Variants in SPTAN1 observed in about 807,000 individuals in gnomAD.
SPTAN1 encodes the protein spectrin alpha, non-erythrocytic 1, also known as spectrin alpha chain, non-erythrocytic 1.
In SPTAN1, 61 loss-of-function variants were observed where a neutral mutation model predicts 331.3. That is an observed-to-expected ratio of 0.18 (90% CI 0.15 to 0.23). SPTAN1 has a LOEUF of 0.23. Ranked by LOEUF, SPTAN1 falls within the 10% of genes least tolerant of loss-of-function variation. The pLI is 1.00. For synonymous variants in SPTAN1, 1,153 were observed against 1,173.9 expected (o/e 0.98, Z 0.36); for missense variants, 2,043 against 3,147.9 (o/e 0.65, Z 8.40).
At chr9:128,614,044 T>C (rs1856849143) in intron 40 of SPTAN1, among the ~76,000 whole-genome samples, 1 of 152,104 alleles carries the variant, frequency 6.6e-6, no homozygotes, top group Non-Finnish European at 1.5e-5. Flanking sequence ...TGTGGTGTTT[T>C]GCATTGGATG....
rs768619719 is a variant in SPTAN1, at chr9:128,609,278, C to T, written c.4752C>T (p.Asn1584=). Residue 1584 remains asparagine, a synonymous_variant, in exon 36 of 57, where the codon AAC becomes AAT. Coordinates refer to ENST00000372739, the MANE Select transcript of SPTAN1 (RefSeq NM_001130438.3). ...ATGAGTCGTACAAGGATCCCACCAA[C>T]ATCCAGGTAAGCTGAAGTGACTGGG... ...ASDESYKDPT[N]IQLSKLLSKH... 2 of 1,614,252 alleles carry T rather than the reference C, an allele frequency of 1.2e-6. No homozygotes were observed. The highest frequency in any genetic ancestry group is 2.2e-5 in the East Asian group (1 of 44,892).
intron 16 of SPTAN1, 85 bp from the exon 17 acceptor site, chr9:128,584,197 T>G (rs1008939572): frequency 2.4e-5 from 38 of 1,598,026 alleles, no homozygotes; most frequent in Non-Finnish European, 3.0e-5. Flanking sequence ...CTCTCAGGAA[T>G]GGAAAAAAGA....
intron 4 of SPTAN1, among the ~76,000 whole-genome samples, 167 bp downstream of exon 4, chr9:128,574,982 T>C (rs578145741): frequency 6.6e-6 from 1 of 152,350 alleles, no homozygotes; most frequent in South Asian, 2.1e-4. Context: ...GTATGTGCTA[T>C]TCTGTAACTC....
Position 128,627,864 on chromosome 9 carries a change from G to A in SPTAN1, c.6690-61G>A, listed in dbSNP as rs910692611. 88 of 1,596,400 alleles carry A rather than the reference G, an allele frequency of 5.5e-5. No homozygotes were observed. The East Asian group carries it at 1.2e-3, about 23-fold the overall frequency. ...TCTTGTGTCTTCTCTCTGTCCCCCC[G>A]ATTGCTGCTGTTGTCCGGACACCAC... On this transcript the variant is annotated intron_variant, in intron 50 of 56. Coordinates refer to ENST00000372739, the MANE Select transcript of SPTAN1 (RefSeq NM_001130438.3). The surrounding 1 kb of genome is among the most constrained non-coding windows in gnomAD (Gnocchi z 4.9).
chr9:128,626,972 G>A (rs773037255), intron 49 of SPTAN1: 9 of 598,360 alleles, frequency 1.5e-5, no homozygotes, highest in South Asian at 8.0e-5. Flanking sequence ...GTGCCACCAC[G>A]CCTGGCTAAT....
intron 1 of SPTAN1, among the ~76,000 whole-genome samples, chr9:128,563,026 ATG>A (rs1420545144): frequency 1.8e-4 from 25 of 141,852 alleles, no homozygotes; most frequent in African/African-American, 5.2e-4. Context: ...ATATATATAT[ATG>A]TATATATTTT....
rs760620533 is a variant in SPTAN1 at position 128,584,505 on chromosome 9, T to C, written c.2417T>C (p.Ile806Thr). 3 of 1,614,140 alleles carry C rather than the reference T, an allele frequency of 1.9e-6. No individual in the cohort carries two copies. Among genetic ancestry groups the C allele is most frequent in the East Asian group, 4.5e-5 (2 of 44,890 alleles). Reference sequence around the variant, plus strand: ...ACGTGGATTCGAGAGAAAGAGCCCATTGCCGCATCTACCAACAGAGGTCAG... The same window carrying C: ...ACGTGGATTCGAGAGAAAGAGCCCACTGCCGCATCTACCAACAGAGGTCAG... ...EETWIREKEP[I>T]AASTNRGKDL... Residue 806 changes from isoleucine (I) to threonine (T), a missense_variant, in exon 17 of 57, where the codon ATT becomes ACT. Coordinates refer to ENST00000372739, the MANE Select transcript of SPTAN1 (RefSeq NM_001130438.3).
chr9:128,563,004 ATATATATATATATATATATATATG>A (rs1849592430), intron 1 of SPTAN1, among the ~76,000 whole-genome samples: 1 of 114,624 alleles, frequency 8.7e-6, no homozygotes, highest in African/African-American at 4.7e-5. Flanking sequence ...ATATATATAT[ATATATATATATATATATATATATG>A]TATATATTTT....
chr9:128,602,048 T>G lies in SPTAN1; in HGVS notation c.3580-1495T>G, dbSNP rs540238625. On this transcript the variant is annotated intron_variant, in intron 27 of 56. Transcript: ENST00000372739. ...ATAAGTATTCTTTCAGAAATTTATT[T>G]TAGGTACCTTTATAAATCCCAGTAC... is the stretch of plus-strand genomic sequence containing the variant. 2.0e-5 allele frequency among the ~76,000 whole-genome samples: 3 copies of G among 152,306 alleles called. No homozygotes were observed. In the South Asian group the frequency reaches 6.2e-4, roughly 32 times the overall value.
intron 19 of SPTAN1, 87 bp downstream of exon 19, chr9:128,586,052 C>G (rs994264462): frequency 1.9e-6 from 2 of 1,031,978 alleles, no homozygotes; most frequent in Non-Finnish European, 2.9e-6. Flanking sequence ...TAGTGATGCG[C>G]GGGAGGTGTG....
At chr9:128,568,201 C>G (rs962080851) in intron 2 of SPTAN1, among the ~76,000 whole-genome samples, 3 of 152,104 alleles carry the variant, frequency 2.0e-5, no homozygotes, top group African/African-American at 7.2e-5. Flanking sequence ...ATTACAGTAA[C>G]CTAAGAAGAG....
Position 128,628,005 on chromosome 9 carries a change from G to A in SPTAN1, c.6707+63G>A, listed in dbSNP as rs191281147. The stretch of plus-strand genomic sequence containing the variant: ...TGGGGGTCTCGTGCGCTTGCCCCTC[G>A]TGGCCTGGCTTGTGGAGGATCCCGG... On this transcript the variant is annotated intron_variant, in intron 51 of 56. Coordinates refer to ENST00000372739, the MANE Select transcript of SPTAN1 (RefSeq NM_001130438.3). 3.9e-5 allele frequency: 62 copies of A among 1,606,356 alleles called. No individual in the cohort carries two copies. The East Asian group carries it at 6.7e-4, about 17-fold the overall frequency.
chr9:128,624,259 C>T lies in SPTAN1; in HGVS notation c.5833-69C>T, dbSNP rs534969892. Reference sequence around the variant, plus strand: ...ATTTTATAGAAGTTTAGAGCCTTTCCAGGGAGGGCATAGTCAGGTAACCAC... The same window carrying T: ...ATTTTATAGAAGTTTAGAGCCTTTCTAGGGAGGGCATAGTCAGGTAACCAC... On this transcript the variant is annotated intron_variant, in intron 45 of 56. Transcript: ENST00000372739. 6.2e-6 allele frequency: 10 copies of T among 1,600,692 alleles called. No individual in the cohort carries two copies. The East Asian group carries it at 2.0e-4, about 32-fold the overall frequency.
At chr9:128,603,653 T>C in intron 28 of SPTAN1, 63 bp downstream of exon 28, 2 of 1,583,870 alleles carry the variant, frequency 1.3e-6, no homozygotes, top group Non-Finnish European at 1.7e-6. Context: ...TCCTTCCCTG[T>C]CTACAGCAGA....
At chr9:128,591,646 C>A in intron 22 of SPTAN1, 21 bp downstream of exon 22, 1 of 1,613,200 alleles carries the variant, frequency 6.2e-7, no homozygotes. Flanking sequence ...CACTGGGGGC[C>A]GCAAGGGCTA....
chr9:128,612,345 C>A, intron 39 of SPTAN1, 99 bp downstream of exon 39: 1 of 1,462,570 alleles, frequency 6.8e-7, no homozygotes, highest in Non-Finnish European at 9.6e-7. Flanking sequence ...GCAGGGCTCA[C>A]CAGACACCCC....
intron 1 of SPTAN1, among the ~76,000 whole-genome samples, chr9:128,554,641 G>A (rs988426678): frequency 4.6e-5 from 7 of 152,218 alleles, no homozygotes; most frequent in African/African-American, 1.7e-4. Context: ...GGGCTATGCA[G>A]GGATCCCACT....
At chr9:128,632,541 C>T in intron 54 of SPTAN1, 31 bp from the exon 55 acceptor site, 2 of 1,614,154 alleles carry the variant, frequency 1.2e-6, no homozygotes. Flanking sequence ...GCAGGGCTGC[C>T]TGCTGAGCCG....
rs1036598903 is a variant in SPTAN1, at chr9:128,598,267, T to TC, written c.3415-126dup. On this transcript the variant is annotated intron_variant, in intron 24 of 56. Transcript: ENST00000372739. ...CCCCAGCCATAGCTTATTTTTTTAA[T>TC]CCCCCCCTTTTTTTTTTTTGGTAGG... 9.9e-5 allele frequency: 71 copies of TC among 716,620 alleles called. 1 individual carries two copies. The highest frequency in any genetic ancestry group is 7.9e-4 in the Middle Eastern group (2 of 2,518). 44.4% of individuals were successfully genotyped at this position (716,620 alleles called of 1,614,324 possible). A position where few individuals can be genotyped will look rare whatever the true frequency, so the allele number is the denominator to read the frequency against.
Sources: allele counts gnomAD v4.1 joint callset (sites outside exome capture counted in the v4.1 genomes callset), GRCh38; gene constraint gnomAD v4.1.1; non-coding constraint Gnocchi (gnomAD v3.1); transcripts MANE v1.5; gene names NCBI Gene and HGNC (gene_info 2026-07-23, HGNC 2026-07-21).